MPZL3: variants seen among roughly 807,000 people sequenced by gnomAD.
MPZL3 encodes myelin protein zero like 3.
In MPZL3, 23 loss-of-function variants were observed where a neutral mutation model predicts 24.8. The ratio of observed to expected loss-of-function variants is 0.93; its 90% CI spans 0.67 to 1.31. The LOEUF is 1.31. Ranked by LOEUF, MPZL3 falls within the 40% of genes most tolerant of loss-of-function variation. The pLI, the probability that MPZL3 is intolerant of heterozygous loss-of-function variation, is 0.00. For missense variants in MPZL3, 277 were observed against 294.9 expected (o/e 0.94, Z 0.44); for synonymous variants, 99 against 106.5 (o/e 0.93, Z 0.44).
chr11:118,227,298 G>C lies in MPZL3; in HGVS notation c.*2596C>G, dbSNP rs1949282634. On this transcript the variant is annotated 3_prime_UTR_variant, in exon 6 of 6. Coordinates refer to ENST00000278949, the MANE Select transcript of MPZL3 (RefSeq NM_198275.3). Reference sequence around the variant, plus strand: ...TAAGTTCCCTTTCTAAACGAGGCTGGTTTCCATGGCTGTGACAAGAGCTCA... The same window carrying C: ...TAAGTTCCCTTTCTAAACGAGGCTGCTTTCCATGGCTGTGACAAGAGCTCA... 6.6e-6 allele frequency: 1 copy of C among 152,194 alleles called. No individual in the cohort carries two copies. Among genetic ancestry groups the C allele is most frequent in the Admixed American group, 6.5e-5 (1 of 15,278 alleles). The allele number at this position is 152,194 out of a possible 1,614,324, so 9.4% of individuals were successfully genotyped here.
chr11:118,243,045 T>G (rs1286741317), intron 1 of MPZL3, among the ~76,000 whole-genome samples: 1 of 152,200 alleles, frequency 6.6e-6, no homozygotes, highest in Non-Finnish European at 1.5e-5. Context: ...CACTCCTATC[T>G]TTCCATTGCA....
At chr11:118,234,356 G>T (rs970121088) in intron 4 of MPZL3, among the ~76,000 whole-genome samples, 1 of 152,104 alleles carries the variant, frequency 6.6e-6, no homozygotes, top group Non-Finnish European at 1.5e-5. Context: ...TGTCCCCTGA[G>T]GTCTCAGGGA....
At chr11:118,237,744 G>A (rs1949445164) in intron 2 of MPZL3, among the ~76,000 whole-genome samples, 1 of 152,122 alleles carries the variant, frequency 6.6e-6, no homozygotes, top group African/African-American at 2.4e-5. Context: ...TATTTGAATA[G>A]CACTCTATAG....
At chr11:118,230,032 T>A in intron 5 of MPZL3, 112 bp from the exon 6 acceptor site, 2 of 891,872 alleles carry the variant, frequency 2.2e-6, no homozygotes, top group Non-Finnish European at 3.5e-6. Flanking sequence ...ACAGCCACAG[T>A]GAAATGCCAC....
intron 4 of MPZL3, among the ~76,000 whole-genome samples, chr11:118,233,737 T>C (rs913850933): frequency 1.3e-5 from 2 of 152,208 alleles, no homozygotes; most frequent in Admixed American, 1.3e-4. Context: ...CTCATGCCTG[T>C]AATCCCAGCA....
intron 5 of MPZL3, among the ~76,000 whole-genome samples, chr11:118,232,130 C>T (rs991275670): frequency 1.3e-5 from 2 of 152,166 alleles, no homozygotes; most frequent in Non-Finnish European, 2.9e-5. Flanking sequence ...TTCATTTCTG[C>T]CATACTGCCC....
At position 118,235,474 on chromosome 11, in the gene MPZL3, C is replaced by T; in HGVS notation, c.567G>A (p.Lys189=). Residue 189 remains lysine, a synonymous_variant, in exon 4 of 6, where the codon AAG becomes AAA. Coordinates refer to ENST00000278949, the MANE Select transcript of MPZL3 (RefSeq NM_198275.3). ...TCTTATAGCCAGACCTGCTCCTCTT[C>T]TTCAGCCCAGCAGCCTTCCTCCCCA... is the stretch of plus-strand genomic sequence containing the variant. ...VRMGRKAAGL[K]KRSRSGYKKS... is the part of the protein sequence containing the mutation. 1 of 1,614,038 alleles carries T rather than the reference C, an allele frequency of 6.2e-7. No homozygotes were observed. The highest frequency in any genetic ancestry group is 1.7e-5 in the Admixed American group (1 of 60,002).
At chr11:118,236,629 C>T (rs1949429004) in intron 3 of MPZL3, among the ~76,000 whole-genome samples, 1 of 152,138 alleles carries the variant, frequency 6.6e-6, no homozygotes, top group African/African-American at 2.4e-5. Context: ...AAAAGCACTA[C>T]CTCTCAACGT....
chr11:118,230,896 CCT>C (rs907065945), intron 5 of MPZL3, among the ~76,000 whole-genome samples: 17 of 152,300 alleles, frequency 1.1e-4, no homozygotes, highest in Admixed American at 9.2e-4. Flanking sequence ...GCAATCCTCT[CCT>C]CTCTGTCTTG....
At chr11:118,240,514 C>T (rs1447227954) in intron 1 of MPZL3, 137 bp from the exon 2 acceptor site, 10 of 787,820 alleles carry the variant, frequency 1.3e-5, no homozygotes, top group African/African-American at 1.9e-5. Flanking sequence ...CAGGCAAGCC[C>T]ACAAGGGACA....
At chr11:118,248,788 CTT>C (rs1173657615) in intron 1 of MPZL3, among the ~76,000 whole-genome samples, 2 of 151,976 alleles carry the variant, frequency 1.3e-5, no homozygotes, top group Non-Finnish European at 1.5e-5. Context: ...GGGAGGAAGA[CTT>C]TGGTATGGAG....
intron 5 of MPZL3, among the ~76,000 whole-genome samples, chr11:118,230,415 CT>C (rs1278151767): frequency 6.6e-6 from 1 of 152,130 alleles, no homozygotes; most frequent in Non-Finnish European, 1.5e-5. Context: ...AAAAATACAC[CT>C]CATAGAACTG....
chr11:118,237,441 G>A (rs570882562), intron 2 of MPZL3, among the ~76,000 whole-genome samples, 181 bp from the exon 3 acceptor site: 4 of 152,044 alleles, frequency 2.6e-5, no homozygotes, highest in East Asian at 1.9e-4. Flanking sequence ...AAAAAGGCCC[G>A]ATGAGAGACT....
chr11:118,248,981 G>C (rs1186124143), intron 1 of MPZL3, among the ~76,000 whole-genome samples: 1 of 152,184 alleles, frequency 6.6e-6, no homozygotes, highest in Non-Finnish European at 1.5e-5. Flanking sequence ...TCAAAGGATA[G>C]AAAACATCTA....
chr11:118,234,664 C>A (rs556853014), intron 4 of MPZL3, among the ~76,000 whole-genome samples: 4 of 151,778 alleles, frequency 2.6e-5, no homozygotes, highest in Non-Finnish European at 1.5e-5. Flanking sequence ...AGTTCTTTGT[C>A]TTTTTTGAGC....
At chr11:118,249,257 T>G (rs748234450) in intron 1 of MPZL3, among the ~76,000 whole-genome samples, 2 of 152,236 alleles carry the variant, frequency 1.3e-5, no homozygotes, top group African/African-American at 2.4e-5. Context: ...TATATCCTGA[T>G]TTGGGTGCTA....
chr11:118,245,282 C>T (rs112491291), intron 1 of MPZL3, among the ~76,000 whole-genome samples: 7,259 of 152,078 alleles, frequency 0.048, 585 homozygotes, highest in African/African-American at 0.16. Context: ...GCAGAGGTTG[C>T]GGTGAGCCAA....
rs964598715 is a variant in MPZL3 at position 118,229,381 on chromosome 11, C to T, written c.*513G>A. ...ACAACTGAGGTTGAGGTCATTAAAC[C>T]GGTAAGTATACGCCCTATACTAACT... On this transcript the variant is annotated 3_prime_UTR_variant, in exon 6 of 6. Transcript: ENST00000278949. The T allele has an allele frequency of 1.3e-5, 2 of 153,116 alleles. No homozygotes were observed. Among genetic ancestry groups the T allele is most frequent in the South Asian group, 2.0e-4 (1 of 5,114 alleles). The allele number at this position is 153,116 out of a possible 1,614,324, so 9.5% of individuals were successfully genotyped here.
rs1949279712 is a variant in MPZL3 at position 118,226,991 on chromosome 11, C to T, written c.*2903G>A. The T allele has an allele frequency of 5.9e-5, 9 of 152,236 alleles. No individual in the cohort carries two copies. The highest frequency in any genetic ancestry group is 2.0e-4 in the Admixed American group (3 of 15,282). The allele number at this position is 152,236 out of a possible 1,614,324, so 9.4% of individuals were successfully genotyped here. A position where few individuals can be genotyped will look rare whatever the true frequency, so the allele number is the denominator to read the frequency against. On this transcript the variant is annotated 3_prime_UTR_variant, in exon 6 of 6. Coordinates refer to ENST00000278949, the MANE Select transcript of MPZL3 (RefSeq NM_198275.3). ...AGTGACTTAGTAGAACATTCATATT[C>T]AGGATGTGGCCTCCAGAAGTGTCGT...
Sources: gnomAD v4.1 joint callset for allele counts (sites outside exome capture counted in the v4.1 genomes callset) on GRCh38, gnomAD v4.1.1 for gene constraint, MANE v1.5 for transcripts, NCBI Gene and HGNC (gene_info 2026-07-23, HGNC 2026-07-21) for gene names.